Variants in CRADD observed in about 807,000 individuals in gnomAD.
CRADD encodes the protein CARD and death domain containing adaptor protein.
A neutral mutation model predicts 15.5 loss-of-function variants in CRADD; 9 were observed. The observed-to-expected ratio is 0.58, with a 90% CI of 0.35 to 1.01. The LOEUF is 1.01. CRADD is among the 50% of genes least tolerant of loss of function. The pLI is 0.02. For missense variants in CRADD, 227 were observed against 250.3 expected (o/e 0.91, Z 0.63); for synonymous variants, 118 against 107.6 (o/e 1.10, Z -0.60).
intron 2 of CRADD, among the ~76,000 whole-genome samples, chr12:93,814,605 C>T (rs1957670454): frequency 6.6e-6 from 1 of 152,172 alleles, no homozygotes; most frequent in African/African-American, 2.4e-5. Context: ...CTGTGACGTC[C>T]TACAAACTTT....
intron 2 of CRADD, among the ~76,000 whole-genome samples, chr12:93,819,555 T>C (rs1250453529): frequency 1.3e-5 from 2 of 152,232 alleles, no homozygotes; most frequent in Non-Finnish European, 1.5e-5. Context: ...TGCCTCAGTT[T>C]CCTCATTTAA....
chr12:93,784,871 G>T (rs1036854888), intron 2 of CRADD, among the ~76,000 whole-genome samples: 10 of 152,190 alleles, frequency 6.6e-5, no homozygotes, highest in African/African-American at 2.4e-4. Flanking sequence ...CACCACTTTG[G>T]TATAAATAAA....
chr12:93,856,104 C>T (rs963243813), intron 2 of CRADD, among the ~76,000 whole-genome samples: 3 of 152,234 alleles, frequency 2.0e-5, no homozygotes, highest in African/African-American at 7.2e-5. Flanking sequence ...CTGCGCCCGG[C>T]CCAGTTTTTC....
intron 2 of CRADD, among the ~76,000 whole-genome samples, chr12:93,781,684 G>A (rs902268424): frequency 7.9e-5 from 12 of 152,160 alleles, no homozygotes; most frequent in African/African-American, 2.7e-4. Flanking sequence ...CTCCCTCAAC[G>A]AGGCTGAACC....
chr12:93,886,494 A>G (rs1355455894), intron 2 of CRADD, among the ~76,000 whole-genome samples: 1 of 151,994 alleles, frequency 6.6e-6, no homozygotes, highest in East Asian at 1.9e-4. Flanking sequence ...CTGCCTTGAG[A>G]GTTTATCAAC....
At chr12:93,688,085 G>A (rs1955480642) in intron 2 of CRADD, among the ~76,000 whole-genome samples, 1 of 152,214 alleles carries the variant, frequency 6.6e-6, no homozygotes, top group Admixed American at 6.5e-5. Context: ...GTTAAAAAGT[G>A]AGCTGAAGAT....
chr12:93,890,763 CT>C (rs571133896), intron 2 of CRADD, among the ~76,000 whole-genome samples: 131 of 144,174 alleles, frequency 9.1e-4, no homozygotes, highest in Admixed American at 1.2e-3. Context: ...TTCTTTCTTT[CT>C]TTTTTTTTTT....
chr12:93,879,223 C>A lies in CRADD; in HGVS notation c.299-14827C>A, dbSNP rs561638373. ...TCATATTTTTAGTTTTTAAAGATTT[C>A]TTTCTTTTTCTCTGATTGCTACTTT... On this transcript the variant is annotated intron_variant, in intron 2 of 2. Transcript: ENST00000548483. 2.6e-5 allele frequency among the ~76,000 whole-genome samples: 4 copies of A among 152,070 alleles called. No homozygotes were observed. In the South Asian group the frequency reaches 8.3e-4, roughly 32 times the overall value.
intron 2 of CRADD, among the ~76,000 whole-genome samples, chr12:93,844,983 A>T (rs979281103): frequency 1.3e-5 from 2 of 152,032 alleles, no homozygotes; most frequent in South Asian, 4.1e-4. Context: ...AGTTAAAAAA[A>T]CAAAAAACAA....
At chr12:93,889,972 G>A (rs1432769136) in intron 2 of CRADD, among the ~76,000 whole-genome samples, 5 of 152,182 alleles carry the variant, frequency 3.3e-5, no homozygotes, top group Non-Finnish European at 7.3e-5. Flanking sequence ...ACAAAAGTAG[G>A]AGCCCTGGGG....
chr12:93,829,349 A>T (rs1374417199), intron 2 of CRADD, among the ~76,000 whole-genome samples: 2 of 152,102 alleles, frequency 1.3e-5, no homozygotes, highest in Non-Finnish European at 2.9e-5. Flanking sequence ...CTGGTACAGG[A>T]GGCAGAAATC....
intron 2 of CRADD, among the ~76,000 whole-genome samples, chr12:93,840,870 T>C (rs1404865378): frequency 6.6e-6 from 1 of 152,178 alleles, no homozygotes; most frequent in Non-Finnish European, 1.5e-5. Context: ...GGACGTCCAA[T>C]ACTGTATTCC....
chr12:93,795,482 A>G (rs1957404509), intron 2 of CRADD, among the ~76,000 whole-genome samples: 1 of 152,192 alleles, frequency 6.6e-6, no homozygotes, highest in African/African-American at 2.4e-5. Context: ...TTTCTCAGAA[A>G]GGAATATTTC....
intron 2 of CRADD, among the ~76,000 whole-genome samples, chr12:93,715,065 TA>T (rs72298984): frequency 0.098 from 14,707 of 150,760 alleles, 981 homozygotes; most frequent in African/African-American, 0.19. Flanking sequence ...CTTTTTTTAT[TA>T]AAAAAAAAAT....
chr12:93,705,753 C>A (rs1955934999), intron 2 of CRADD, among the ~76,000 whole-genome samples: 1 of 152,186 alleles, frequency 6.6e-6, no homozygotes, highest in Admixed American at 6.5e-5. Flanking sequence ...TGATTTATAT[C>A]CTCAGCTTCA....
intron 2 of CRADD, among the ~76,000 whole-genome samples, chr12:93,736,053 T>A (rs1445089399): frequency 6.6e-6 from 1 of 152,042 alleles, no homozygotes; most frequent in Non-Finnish European, 1.5e-5. Context: ...GGAGACTCTG[T>A]CTCAAAAAGA....
chr12:93,892,982 C>T (rs1033853205), intron 2 of CRADD, among the ~76,000 whole-genome samples: 4 of 152,190 alleles, frequency 2.6e-5, no homozygotes, highest in African/African-American at 9.6e-5. Flanking sequence ...ACAGGCTGTG[C>T]TGTAAAGAAG....
In CRADD at chr12:93,824,540, T is replaced by A. The variant is rs1192200281; in HGVS notation, c.299-25430T>A. 1.3e-5 allele frequency among the ~76,000 whole-genome samples: 2 copies of A among 152,056 alleles called. No homozygotes were observed. The highest frequency in any genetic ancestry group is 1.3e-4 in the Admixed American group (2 of 15,262). On this transcript the variant is annotated intron_variant, in intron 2 of 2. Transcript: ENST00000332896. The surrounding 1 kb of genome is among the most constrained non-coding windows in gnomAD (Gnocchi z 4.3). ...AAGTACCTTGCTGCTGGAAAAGAAG[T>A]CAAAAAATTGCTTTGAAGAGTATAT...
intron 2 of CRADD, among the ~76,000 whole-genome samples, chr12:93,791,612 GGCAACTGTA>G (rs1264737340): frequency 6.6e-6 from 1 of 152,028 alleles, no homozygotes; most frequent in Non-Finnish European, 1.5e-5. Flanking sequence ...TGTACAGCAT[GGCAACTGTA>G]GTAGTTAATA....
Sources: allele counts gnomAD v4.1 joint callset (sites outside exome capture counted in the v4.1 genomes callset), GRCh38; gene constraint gnomAD v4.1.1; non-coding constraint Gnocchi (gnomAD v3.1); transcripts MANE v1.5; gene names NCBI Gene and HGNC (gene_info 2026-07-23, HGNC 2026-07-21).